TCEA1: variants seen among roughly 807,000 people sequenced by gnomAD.
TCEA1 encodes transcription elongation factor A1.
TCEA1 carries 21 observed loss-of-function variants against 43.8 expected under a neutral mutation model. That is an observed-to-expected ratio of 0.48 (90% CI 0.34 to 0.69). The LOEUF is 0.69. TCEA1 is among the 30% of genes least tolerant of loss of function. TCEA1 has a pLI of 0.01. For synonymous variants in TCEA1, 104 were observed against 117.5 expected, an observed-to-expected ratio of 0.88 and a Z score of 0.75; for missense variants, 250 against 365.1, an observed-to-expected ratio of 0.68 and a Z score of 2.57.
chr8:53,979,904 T>A (rs1185810956), intron 7 of TCEA1, among the ~76,000 whole-genome samples: 1 of 152,082 alleles, frequency 6.6e-6, no homozygotes, highest in Non-Finnish European at 1.5e-5. Flanking sequence ...GCATCCCCAA[T>A]CAATCAGCAG....
intron 1 of TCEA1, among the ~76,000 whole-genome samples, chr8:54,016,948 T>C (rs1036464009): frequency 2.3e-4 from 30 of 128,624 alleles, no homozygotes; most frequent in Admixed American, 4.1e-4. Context: ...CACTCCAGCC[T>C]GAGCGACAGA....
intron 1 of TCEA1, 103 bp downstream of exon 1, chr8:54,021,960 G>C (rs558248473): frequency 1.7e-6 from 2 of 1,178,434 alleles, no homozygotes; most frequent in Non-Finnish European, 2.2e-6. Context: ...TCCCAGACGG[G>C]AGGCTGCAGG....
intron 8 of TCEA1, chr8:53,972,855 G>C (rs1407521086): frequency 1.4e-6 from 1 of 716,868 alleles, no homozygotes; most frequent in Non-Finnish European, 2.7e-6. Flanking sequence ...TTCTTTCACA[G>C]ATCTAAGGTT....
At chr8:54,021,474 C>T (rs1283217522) in intron 1 of TCEA1, 1 of 152,230 alleles carries the variant, frequency 6.6e-6, no homozygotes, top group Non-Finnish European at 1.5e-5. Flanking sequence ...CAGGACAAAA[C>T]CCGCTTTTTA....
intron 4 of TCEA1, 21 bp downstream of exon 4, chr8:53,993,647 T>G: frequency 6.4e-7 from 1 of 1,573,232 alleles, no homozygotes; most frequent in Non-Finnish European, 8.7e-7. Flanking sequence ...AATATAAATA[T>G]ATGTCTATAC....
At chr8:54,012,008 A>G (rs1804667603) in intron 1 of TCEA1, among the ~76,000 whole-genome samples, 1 of 152,208 alleles carries the variant, frequency 6.6e-6, no homozygotes, top group South Asian at 2.1e-4. Flanking sequence ...AGAAACAGTA[A>G]AACATTAAAG....
chr8:54,019,567 CAAAAA>C (rs1364478794), intron 1 of TCEA1, among the ~76,000 whole-genome samples: 1 of 68,058 alleles, frequency 1.5e-5, no homozygotes, highest in African/African-American at 5.0e-5. Context: ...GACACTGTCT[CAAAAA>C]AAAAAAAAAA....
chr8:53,999,000 G>A (rs1434901392), intron 3 of TCEA1, among the ~76,000 whole-genome samples: 10 of 152,064 alleles, frequency 6.6e-5, no homozygotes, highest in African/African-American at 1.4e-4. Flanking sequence ...AGGCCAAGGC[G>A]GGCAGATCAC....
chr8:53,979,754 T>TC (rs1433299258), intron 7 of TCEA1, among the ~76,000 whole-genome samples: 3 of 152,216 alleles, frequency 2.0e-5, no homozygotes, highest in African/African-American at 7.2e-5. Context: ...GTGTGTGACT[T>TC]CCCCAATTGC....
intron 2 of TCEA1, among the ~76,000 whole-genome samples, chr8:54,008,837 T>TTTTA (rs1563511121): frequency 2.7e-5 from 4 of 149,954 alleles, no homozygotes; most frequent in South Asian, 4.2e-4. Flanking sequence ...ATTATTTTAT[T>TTTTA]TTTATTTATT....
At chr8:53,990,980 T>C (rs1803856072) in intron 4 of TCEA1, among the ~76,000 whole-genome samples, 1 of 152,222 alleles carries the variant, frequency 6.6e-6, no homozygotes, top group African/African-American at 2.4e-5. Flanking sequence ...TCTGTGTGTG[T>C]TGGGGCGGGG....
intron 9 of TCEA1, 53 bp from the exon 10 acceptor site, chr8:53,968,165 A>G: frequency 1.4e-6 from 2 of 1,423,842 alleles, no homozygotes; most frequent in Non-Finnish European, 1.9e-6. Flanking sequence ...AATAAGGTAC[A>G]TTCCCCATTT....
At chr8:53,973,247 G>T in intron 8 of TCEA1, 1 of 475,198 alleles carries the variant, frequency 2.1e-6, no homozygotes, top group South Asian at 1.9e-5. Context: ...GAAAGACAAA[G>T]AAAATGATAT....
chr8:54,007,665 T>C (rs185087272), intron 2 of TCEA1, among the ~76,000 whole-genome samples: 20 of 152,324 alleles, frequency 1.3e-4, no homozygotes, highest in Non-Finnish European at 2.1e-4. Flanking sequence ...ATATTCAATT[T>C]CAGTTAGCCA....
At chr8:53,983,404 G>A (rs1302525917) in intron 7 of TCEA1, among the ~76,000 whole-genome samples, 1 of 152,184 alleles carries the variant, frequency 6.6e-6, no homozygotes, top group African/African-American at 2.4e-5. Flanking sequence ...TGAAATTGTA[G>A]ATACAATATA....
chr8:54,018,303 T>C (rs1206761094), intron 1 of TCEA1, among the ~76,000 whole-genome samples: 1 of 152,152 alleles, frequency 6.6e-6, no homozygotes, highest in Non-Finnish European at 1.5e-5. Flanking sequence ...ACCCACAAAA[T>C]CTCTCCATGA....
chr8:53,969,925 A>G (rs1048239577), intron 9 of TCEA1, among the ~76,000 whole-genome samples: 8 of 152,206 alleles, frequency 5.3e-5, no homozygotes, highest in Non-Finnish European at 1.2e-4. Context: ...GGCAATATGA[A>G]GGCTTAGTGA....
intron 4 of TCEA1, 141 bp downstream of exon 4, chr8:53,993,507 AAAAAAAATAAATTAGAATAC>A: frequency 1.9e-6 from 1 of 527,786 alleles, no homozygotes; most frequent in Non-Finnish European, 3.3e-6. Context: ...AGAAATCTGA[AAAAAAAATAAATTAGAATAC>A]ATGGCTACAT....
At chr8:54,004,782 T>TAA (rs11443905) in intron 2 of TCEA1, among the ~76,000 whole-genome samples, 5 of 138,642 alleles carry the variant, frequency 3.6e-5, no homozygotes, top group African/African-American at 1.3e-4. Flanking sequence ...TAATACTGTT[T>TAA]AAAAAAAAAA....
Sources: gnomAD v4.1 joint callset for allele counts (sites outside exome capture counted in the v4.1 genomes callset) on GRCh38, gnomAD v4.1.1 for gene constraint, MANE v1.5 for transcripts, NCBI Gene and HGNC (gene_info 2026-07-23, HGNC 2026-07-21) for gene names.